Variants in NKAIN2 observed in about 807,000 individuals in gnomAD.
NKAIN2 encodes sodium/potassium-transporting ATPase subunit beta-1-interacting protein 2.
Under a neutral mutation model 32.6 loss-of-function variants are expected in NKAIN2, and 14 were observed. The observed-to-expected ratio is 0.43, with a 90% CI of 0.28 to 0.67. The LOEUF is 0.67. Among genes scored for constraint, NKAIN2 ranks in the 30% least tolerant of loss-of-function variants. NKAIN2 has a pLI of 0.17. For synonymous variants in NKAIN2, 80 were observed against 87.2 expected, an observed-to-expected ratio of 0.92 and a Z score of 0.46; for missense variants, 198 against 258.3, an observed-to-expected ratio of 0.77 and a Z score of 1.60.
chr6:124,268,153 A>T (rs1163213627), intron 1 of NKAIN2, among the ~76,000 whole-genome samples: 2 of 152,188 alleles, frequency 1.3e-5, no homozygotes, highest in Admixed American at 1.3e-4. Context: ...TAAACATACA[A>T]TTCTAGTGAT....
chr6:124,097,742 T>C (rs2114941188), intron 1 of NKAIN2, among the ~76,000 whole-genome samples: 2 of 152,294 alleles, frequency 1.3e-5, no homozygotes, highest in Middle Eastern at 6.8e-3. Flanking sequence ...TTGGCTGTTA[T>C]GAATTTATGA....
chr6:124,674,739 A>G (rs920545429), intron 4 of NKAIN2, among the ~76,000 whole-genome samples: 1 of 151,976 alleles, frequency 6.6e-6, no homozygotes, highest in Non-Finnish European at 1.5e-5. Context: ...TGTTTCTAAC[A>G]GGTTTTTTTG....
chr6:124,734,696 C>A (rs1213089109), intron 4 of NKAIN2, among the ~76,000 whole-genome samples: 1 of 151,750 alleles, frequency 6.6e-6, no homozygotes, highest in Non-Finnish European at 1.5e-5. Context: ...TAGTAACAGG[C>A]AAACAATAAA....
In NKAIN2 at chr6:124,759,657, C is replaced by CACACACACACACACA. The variant is rs1562367850; in HGVS notation, c.475-31682_475-31681insACACACACACACACA. Among the ~76,000 whole-genome samples the CACACACACACACACA allele has an allele frequency of 9.9e-4, 75 of 75,458 alleles. 17 individuals are homozygous for CACACACACACACACA. Among genetic ancestry groups the CACACACACACACACA allele is most frequent in the East Asian group, 5.9e-3 (15 of 2,538 alleles). 49.5% of individuals were successfully genotyped at this position (75,458 alleles called of 152,430 possible). On this transcript the variant is annotated intron_variant, in intron 4 of 6. Coordinates refer to ENST00000368417, the MANE Select transcript of NKAIN2 (RefSeq NM_001040214.3). Reference sequence around the variant, plus strand: ...CACACACACACACACACACACACACCCCCTATCTCCCTTTCCTGCCTTATT... The same window carrying CACACACACACACACA: ...CACACACACACACACACACACACACCACACACACACACACACCCTATCTCCCTTTCCTGCCTTATT...
chr6:123,900,053 A>G (rs930713471), intron 1 of NKAIN2, among the ~76,000 whole-genome samples: 2 of 152,194 alleles, frequency 1.3e-5, no homozygotes, highest in Admixed American at 1.3e-4. Flanking sequence ...TCACAGTGCT[A>G]GGTGTCATGT....
rs535570461 is a variant in NKAIN2 at position 124,333,382 on chromosome 6, G to C, written c.193-21885G>C. ...GGGAATAAAAAATAAATGAACTTAGGCTGGGTGCAGTGTCTCATGCCTGTA... is the reference window on the plus strand; with the variant it reads ...GGGAATAAAAAATAAATGAACTTAGCCTGGGTGCAGTGTCTCATGCCTGTA... On this transcript the variant is annotated intron_variant, in intron 2 of 6. Transcript: ENST00000368417. Among the ~76,000 whole-genome samples the C allele has an allele frequency of 5.3e-5, 8 of 152,164 alleles. No homozygotes were observed. In the South Asian group the frequency reaches 1.7e-3, roughly 32 times the overall value.
At chr6:123,883,754 A>G (rs552983936) in intron 1 of NKAIN2, among the ~76,000 whole-genome samples, 1 of 150,780 alleles carries the variant, frequency 6.6e-6, no homozygotes, top group Admixed American at 6.6e-5. Flanking sequence ...TTTTAAAAAA[A>G]ATTGGTGTCA....
At chr6:124,336,629 CT>C (rs1797873827) in intron 2 of NKAIN2, among the ~76,000 whole-genome samples, 1 of 149,472 alleles carries the variant, frequency 6.7e-6, no homozygotes, top group Admixed American at 6.7e-5. Flanking sequence ...TTAGTATTTT[CT>C]TATGTGTAGC....
chr6:124,805,883 G>A (rs1481094718), intron 5 of NKAIN2, among the ~76,000 whole-genome samples: 1 of 152,170 alleles, frequency 6.6e-6, no homozygotes, highest in Non-Finnish European at 1.5e-5. Flanking sequence ...GGAAGAAAGG[G>A]TATCAGCGAT....
intron 1 of NKAIN2, among the ~76,000 whole-genome samples, chr6:124,022,372 T>C (rs1780907133): frequency 1.3e-5 from 2 of 152,304 alleles, no homozygotes; most frequent in African/African-American, 4.8e-5. Flanking sequence ...CATGTGTCTG[T>C]ATAGCAGCAT....
At chr6:124,156,462 C>A (rs1387054136) in intron 1 of NKAIN2, among the ~76,000 whole-genome samples, 1 of 152,006 alleles carries the variant, frequency 6.6e-6, no homozygotes, top group Non-Finnish European at 1.5e-5. Context: ...AGGAGTCAGT[C>A]ATATAGCCAT....
At chr6:124,219,212 T>C (rs1791660437) in intron 1 of NKAIN2, among the ~76,000 whole-genome samples, 1 of 152,168 alleles carries the variant, frequency 6.6e-6, no homozygotes, top group Non-Finnish European at 1.5e-5. Flanking sequence ...AAAAATTATA[T>C]TAGGACAATT....
At chr6:124,402,004 C>T (rs377379876) in intron 3 of NKAIN2, among the ~76,000 whole-genome samples, 1 of 152,030 alleles carries the variant, frequency 6.6e-6, no homozygotes, top group South Asian at 2.1e-4. Context: ...CTCCTGTACT[C>T]CCAAATAATA....
At chr6:124,542,169 AT>A (rs976643041) in intron 3 of NKAIN2, among the ~76,000 whole-genome samples, 5 of 152,062 alleles carry the variant, frequency 3.3e-5, no homozygotes, top group African/African-American at 1.2e-4. Flanking sequence ...TATTATCTAT[AT>A]TTTTATATCT....
chr6:123,855,832 G>A (rs761866634), intron 1 of NKAIN2, among the ~76,000 whole-genome samples: 21 of 152,162 alleles, frequency 1.4e-4, no homozygotes, highest in Admixed American at 9.8e-4. Flanking sequence ...CTGCTGAGAC[G>A]TATGGTAGAA....
At chr6:123,865,843 T>C (rs1775960615) in intron 1 of NKAIN2, among the ~76,000 whole-genome samples, 1 of 152,154 alleles carries the variant, frequency 6.6e-6, no homozygotes, top group Non-Finnish European at 1.5e-5. Flanking sequence ...TAATTTGTAA[T>C]GAGAGAAAAA....
chr6:124,784,531 T>C (rs978340990), intron 4 of NKAIN2, among the ~76,000 whole-genome samples: 2 of 152,162 alleles, frequency 1.3e-5, no homozygotes, highest in African/African-American at 4.8e-5. Context: ...TCTATGGAAA[T>C]TCATGCAGGC....
chr6:123,821,072 C>G (rs1032365557), intron 1 of NKAIN2, among the ~76,000 whole-genome samples: 1 of 152,112 alleles, frequency 6.6e-6, no homozygotes, highest in African/African-American at 2.4e-5. Flanking sequence ...TTCATTTGGG[C>G]TGTTGCTATT....
chr6:124,348,947 C>G (rs1227380937), intron 2 of NKAIN2, among the ~76,000 whole-genome samples: 1 of 152,176 alleles, frequency 6.6e-6, no homozygotes, highest in Non-Finnish European at 1.5e-5. Flanking sequence ...GAGATTATAT[C>G]CCACACCTGG....
Sources: gnomAD v4.1 joint callset for allele counts (sites outside exome capture counted in the v4.1 genomes callset) on GRCh38, gnomAD v4.1.1 for gene constraint, MANE v1.5 for transcripts, NCBI Gene and HGNC (gene_info 2026-07-23, HGNC 2026-07-21) for gene names.